The following P4HA1 variants were observed in gnomAD, a reference collection of about 807,000 sequenced individuals.
The protein encoded by P4HA1 is prolyl 4-hydroxylase subunit alpha-1.
Under a neutral mutation model 72.8 loss-of-function variants are expected in P4HA1, and 24 were observed. The ratio of observed to expected loss-of-function variants is 0.33; its 90% CI spans 0.24 to 0.46. The LOEUF is 0.46. Among genes scored for constraint, P4HA1 ranks in the 20% least tolerant of loss-of-function variants. The probability of loss-of-function intolerance (pLI) is 1.00; values close to 1 mark genes in which losing one functional copy is unlikely to be tolerated. For synonymous variants in P4HA1, 201 were observed against 218.8 expected (o/e 0.92, Z 0.72); for missense variants, 446 against 640.6 (o/e 0.70, Z 3.28).
rs540160196 is a variant in P4HA1, at chr10:73,084,619, T to C, written c.-32-9704A>G. On this transcript the variant is annotated intron_variant, in intron 1 of 14. Coordinates refer to ENST00000394890, the MANE Select transcript of P4HA1 (RefSeq NM_001017962.3). Reference sequence around the variant, plus strand: ...GTGAGCCACCGTGCCCAGACCAAGATTGAATTTTATATAGCAGTTATACTA... The same window carrying C: ...GTGAGCCACCGTGCCCAGACCAAGACTGAATTTTATATAGCAGTTATACTA... Among the ~76,000 whole-genome samples the C allele has an allele frequency of 4.3e-4, 65 of 152,244 alleles. 1 individual carries two copies. Among genetic ancestry groups the C allele is most frequent in the African/African-American group, 1.4e-3 (57 of 41,552 alleles).
chr10:73,035,554 C>G (rs1341420875), intron 9 of P4HA1, among the ~76,000 whole-genome samples: 2 of 152,030 alleles, frequency 1.3e-5, no homozygotes, highest in African/African-American at 4.8e-5. Flanking sequence ...ACTTTTAATT[C>G]CAGGAATGGC....
chr10:73,061,419 C>T (rs1841311459), intron 5 of P4HA1, among the ~76,000 whole-genome samples: 1 of 150,084 alleles, frequency 6.7e-6, no homozygotes, highest in East Asian at 1.9e-4. Context: ...TAACCAATGT[C>T]ATAAAGAGAA....
At chr10:73,039,280 C>A (rs1840675985) in intron 9 of P4HA1, among the ~76,000 whole-genome samples, 1 of 144,764 alleles carries the variant, frequency 6.9e-6, no homozygotes, top group Non-Finnish European at 1.5e-5. Flanking sequence ...CAAGACCCTG[C>A]CTCTTAAAAA....
At chr10:73,034,550 C>T (rs1436258133) in intron 9 of P4HA1, among the ~76,000 whole-genome samples, 2 of 150,070 alleles carry the variant, frequency 1.3e-5, no homozygotes, top group Admixed American at 6.6e-5. Context: ...TAATATTTGT[C>T]AATTCTAGCT....
At chr10:73,054,355 T>C (rs571982007) in intron 5 of P4HA1, among the ~76,000 whole-genome samples, 103 of 152,330 alleles carry the variant, frequency 6.8e-4, no homozygotes, top group African/African-American at 2.3e-3. Flanking sequence ...CATTGAAAGA[T>C]TACAGTAGTT....
chr10:73,096,156 C>G (rs891555048), intron 1 of P4HA1, among the ~76,000 whole-genome samples: 3 of 152,338 alleles, frequency 2.0e-5, no homozygotes, highest in Middle Eastern at 3.4e-3. Flanking sequence ...AAGCTCGGCG[C>G]CCCGGGCTAC....
At chr10:73,090,328 C>A (rs1332979618) in intron 1 of P4HA1, among the ~76,000 whole-genome samples, 1 of 143,036 alleles carries the variant, frequency 7.0e-6, no homozygotes, top group Non-Finnish European at 1.5e-5. Flanking sequence ...GAGATGAAGT[C>A]TTTCTATGTC....
At chr10:73,063,765 T>C (rs555684894) in intron 5 of P4HA1, among the ~76,000 whole-genome samples, 2 of 152,316 alleles carry the variant, frequency 1.3e-5, no homozygotes, top group South Asian at 4.1e-4. Flanking sequence ...TAGTAGAAGA[T>C]TTTTAGCTAT....
chr10:73,061,160 T>C (rs1841302245), intron 5 of P4HA1, among the ~76,000 whole-genome samples: 1 of 152,212 alleles, frequency 6.6e-6, no homozygotes. Context: ...TCTCATCACC[T>C]GAACCTCACT....
rs199932585 is a variant in P4HA1 at position 73,047,053 on chromosome 10, G to C, written c.949C>G (p.Arg317Gly). 1 of 1,613,552 alleles carries C rather than the reference G, an allele frequency of 6.2e-7. No individual in the cohort carries two copies. Among genetic ancestry groups the C allele is most frequent in the African/African-American group, 1.3e-5 (1 of 74,898 alleles). Residue 317 changes from arginine (R) to glycine (G), a missense_variant, in exon 8 of 15, where the codon CGT (arginine) becomes GGT (glycine). Physicochemically the swap from Arg to Gly is moderately radical, Grantham distance 125. Transcript: ENST00000394890. ...KLFCRYHDGNRNPKFILAPAK... is the reference protein window; with the variant it reads ...KLFCRYHDGNGNPKFILAPAK... ...GGAGCCAGAATAAATTTAGGATTAC[G>C]GTTTCCATCATGGTAGCGGCAAAAG...
intron 8 of P4HA1, among the ~76,000 whole-genome samples, chr10:73,046,451 G>A (rs1042337013): frequency 6.6e-6 from 1 of 152,130 alleles, no homozygotes. Flanking sequence ...GTTAAAGTCA[G>A]AAAACTATCA....
At chr10:73,014,529 T>G (rs1420759383) in intron 11 of P4HA1, among the ~76,000 whole-genome samples, 3 of 152,104 alleles carry the variant, frequency 2.0e-5, no homozygotes, top group Non-Finnish European at 4.4e-5. Context: ...TGCCTTAGCC[T>G]CCCAAAATGC....
At chr10:73,030,045 T>TC (rs1313078022) in intron 10 of P4HA1, among the ~76,000 whole-genome samples, 1 of 152,228 alleles carries the variant, frequency 6.6e-6, no homozygotes, top group African/African-American at 2.4e-5. Context: ...ATTTTTCATT[T>TC]CCCTAGATAA....
chr10:73,087,620 G>C (rs1217817591), intron 1 of P4HA1, among the ~76,000 whole-genome samples: 4 of 151,644 alleles, frequency 2.6e-5, no homozygotes, highest in African/African-American at 9.7e-5. Context: ...TTCCTGCATA[G>C]TGTCTACTCA....
intron 10 of P4HA1, among the ~76,000 whole-genome samples, chr10:73,026,476 A>C (rs1394896778): frequency 6.6e-6 from 1 of 152,208 alleles, no homozygotes; most frequent in Non-Finnish European, 1.5e-5. Flanking sequence ...TAAAGACTTA[A>C]ATGTTAGACC....
intron 8 of P4HA1, among the ~76,000 whole-genome samples, chr10:73,046,102 A>G (rs1840856093): frequency 1.3e-5 from 2 of 152,178 alleles, no homozygotes; most frequent in South Asian, 2.1e-4. Context: ...CTTTTGCACT[A>G]TAATGGCAGA....
chr10:73,058,307 T>C (rs950592291), intron 5 of P4HA1, among the ~76,000 whole-genome samples: 10 of 152,132 alleles, frequency 6.6e-5, no homozygotes, highest in African/African-American at 2.4e-4. Context: ...ATGTTCACTT[T>C]TGATTAACCT....
intron 1 of P4HA1, among the ~76,000 whole-genome samples, chr10:73,078,773 A>C (rs1040727756): frequency 2.0e-5 from 3 of 151,850 alleles, no homozygotes; most frequent in African/African-American, 7.3e-5. Flanking sequence ...CAACACGCCC[A>C]GCTAATTTTT....
chr10:73,092,302 C>G (rs1313807700), intron 1 of P4HA1, among the ~76,000 whole-genome samples: 1 of 150,598 alleles, frequency 6.6e-6, no homozygotes, highest in African/African-American at 2.4e-5. Flanking sequence ...TCTTGATTTT[C>G]CTACAGTCTA....
Sources: allele counts gnomAD v4.1 joint callset (sites outside exome capture counted in the v4.1 genomes callset), GRCh38; gene constraint gnomAD v4.1.1; transcripts MANE v1.5; gene names NCBI Gene and HGNC (gene_info 2026-07-23, HGNC 2026-07-21).